KAZN: variants seen among roughly 807,000 people sequenced by gnomAD.
KAZN encodes the protein kazrin, periplakin interacting protein.
KAZN carries 40 observed loss-of-function variants against 87.4 expected under a neutral mutation model. That is an observed-to-expected ratio of 0.46 (90% CI 0.36 to 0.60). KAZN has a LOEUF of 0.60. KAZN is among the 20% of genes least tolerant of loss of function. The pLI is 0.00. For missense variants in KAZN, 898 were observed against 1,073.9 expected (o/e 0.84, Z 2.29); for synonymous variants, 466 against 458.3 (o/e 1.02, Z -0.22).
At chr1:14,131,357 T>C (rs895460477) in intron 1 of KAZN, among the ~76,000 whole-genome samples, 1 of 152,176 alleles carries the variant, frequency 6.6e-6, no homozygotes, top group Non-Finnish European at 1.5e-5. Flanking sequence ...ACTGGTCACC[T>C]CTTAGCCAGA....
At chr1:14,602,131 G>C (rs1475002936) in intron 1 of KAZN, among the ~76,000 whole-genome samples, 1 of 152,108 alleles carries the variant, frequency 6.6e-6, no homozygotes, top group Admixed American at 6.5e-5. Flanking sequence ...GAAAATTTGG[G>C]TTTTCCTAGC....
chr1:14,309,670 C>T (rs1435997472), intron 2 of KAZN, among the ~76,000 whole-genome samples: 35 of 152,130 alleles, frequency 2.3e-4, no homozygotes, highest in Admixed American at 2.3e-3. Context: ...AGGTAATCCT[C>T]CTGCATCAGC....
chr1:14,260,655 C>T (rs1214243328), intron 2 of KAZN, among the ~76,000 whole-genome samples: 7 of 152,198 alleles, frequency 4.6e-5, no homozygotes, highest in African/African-American at 1.2e-4. Flanking sequence ...GTAAAGGACA[C>T]GGGCCCGGCT....
chr1:14,081,305 C>T (rs1643666238), intron 1 of KAZN, among the ~76,000 whole-genome samples: 1 of 152,066 alleles, frequency 6.6e-6, no homozygotes, highest in South Asian at 2.1e-4. Flanking sequence ...CCGTGAACTG[C>T]AGTACATTAT....
chr1:14,619,424 C>A (rs1678517524), intron 1 of KAZN, among the ~76,000 whole-genome samples: 1 of 152,078 alleles, frequency 6.6e-6, no homozygotes, highest in Non-Finnish European at 1.5e-5. Context: ...GGTCTCTGAA[C>A]TCCTGGCCTC....
intron 10 of KAZN, among the ~76,000 whole-genome samples, chr1:15,098,341 G>A (rs572812957): frequency 5.3e-5 from 8 of 152,324 alleles, no homozygotes; most frequent in South Asian, 4.1e-4. Flanking sequence ...AGCTGGGAAC[G>A]TATCGCCAAG....
intron 1 of KAZN, among the ~76,000 whole-genome samples, chr1:14,020,752 G>A (rs1640787500): frequency 6.6e-6 from 1 of 152,200 alleles, no homozygotes; most frequent in Non-Finnish European, 1.5e-5. Flanking sequence ...TTCCAGCAAA[G>A]TTTTCCCTCT....
chr1:14,823,837 G>A (rs904383322), intron 1 of KAZN, among the ~76,000 whole-genome samples: 1 of 152,138 alleles, frequency 6.6e-6, no homozygotes, highest in Non-Finnish European at 1.5e-5. Context: ...GAGTGGGCCC[G>A]GCGTGGTGGC....
chr1:14,131,254 G>A (rs1570814634), intron 1 of KAZN, among the ~76,000 whole-genome samples: 1 of 152,138 alleles, frequency 6.6e-6, no homozygotes, highest in Non-Finnish European at 1.5e-5. Flanking sequence ...TCTCAACACC[G>A]GGGATTACAA....
intron 1 of KAZN, among the ~76,000 whole-genome samples, chr1:14,676,403 T>C (rs1161861654): frequency 7.2e-6 from 1 of 139,436 alleles, no homozygotes; most frequent in Non-Finnish European, 1.6e-5. Flanking sequence ...CTAAGCAGCC[T>C]TACCTAGGGA....
intron 1 of KAZN, among the ~76,000 whole-genome samples, chr1:14,940,928 T>G (rs1304194570): frequency 5.7e-5 from 7 of 123,470 alleles, no homozygotes; most frequent in East Asian, 2.3e-4. Flanking sequence ...TTTTTTTTTT[T>G]TCTGAGAGAC....
chr1:14,392,850 C>T (rs570572770), intron 2 of KAZN, among the ~76,000 whole-genome samples: 57 of 152,204 alleles, frequency 3.7e-4, no homozygotes, highest in African/African-American at 1.1e-3. Flanking sequence ...ATTCTAATGG[C>T]GACCAGACCA....
intron 2 of KAZN, 109 bp downstream of exon 2, chr1:14,960,984 C>T: frequency 2.6e-6 from 3 of 1,154,066 alleles, no homozygotes; most frequent in Non-Finnish European, 3.6e-6. Context: ...GGTCTCCCAG[C>T]ACCCACCTCC....
rs1181140897 is a variant in KAZN at position 15,003,695 on chromosome 1, G to T, written c.419-31054G>T. Among the ~76,000 whole-genome samples the T allele has an allele frequency of 2.6e-5, 4 of 152,228 alleles. No individual in the cohort carries two copies. The South Asian group carries it at 6.2e-4, about 24-fold the overall frequency. On this transcript the variant is annotated intron_variant, in intron 2 of 14. Coordinates refer to ENST00000376030, the MANE Select transcript of KAZN (RefSeq NM_201628.3). ...GCTTGGGAAAAGGGGTGGGGGACGG[G>T]CATTGCCTTCGGGTCATCAGCTTAC...
intron 2 of KAZN, among the ~76,000 whole-genome samples, chr1:14,389,475 A>G (rs1662233472): frequency 7.6e-6 from 1 of 132,366 alleles, no homozygotes; most frequent in African/African-American, 2.6e-5. Flanking sequence ...AGATGAATGG[A>G]TAAAAAAAAA....
At chr1:14,858,404 G>A (rs1650427129) in intron 1 of KAZN, among the ~76,000 whole-genome samples, 1 of 151,714 alleles carries the variant, frequency 6.6e-6, no homozygotes. Context: ...GTAGAGACGG[G>A]GTTTCACCAT....
chr1:15,098,589 T>C (rs1640898738), intron 10 of KAZN, among the ~76,000 whole-genome samples: 1 of 152,222 alleles, frequency 6.6e-6, no homozygotes, highest in Admixed American at 6.5e-5. Context: ...CAGTGACAAA[T>C]CTGGCCCAGT....
intron 1 of KAZN, among the ~76,000 whole-genome samples, chr1:14,037,182 C>G (rs190408493): frequency 5.6e-4 from 85 of 152,328 alleles, no homozygotes; most frequent in Non-Finnish European, 6.2e-4. Flanking sequence ...AGACCTCTCT[C>G]CATGCCAGTA....
intron 1 of KAZN, among the ~76,000 whole-genome samples, chr1:14,639,188 C>T (rs2148672234): frequency 6.6e-6 from 1 of 152,278 alleles, no homozygotes; most frequent in Admixed American, 6.5e-5. Flanking sequence ...TCGGTCAGGG[C>T]TCTGGGCCCA....
Sources: gnomAD v4.1 joint callset for allele counts (sites outside exome capture counted in the v4.1 genomes callset) on GRCh38, gnomAD v4.1.1 for gene constraint, MANE v1.5 for transcripts, NCBI Gene and HGNC (gene_info 2026-07-23, HGNC 2026-07-21) for gene names.